The following UTRN variants were observed in gnomAD, a reference collection of about 807,000 sequenced individuals.
The protein encoded by UTRN is dystrophin-related protein 1.
Under a neutral mutation model 463.9 loss-of-function variants are expected in UTRN, and 283 were observed. That is an observed-to-expected ratio of 0.61 (90% CI 0.55 to 0.67). UTRN has a LOEUF of 0.67. UTRN is among the 30% of genes least tolerant of loss of function. UTRN has a pLI of 0.00. For synonymous variants in UTRN, 1,442 were observed against 1,431.5 expected (o/e 1.01, Z -0.17); for missense variants, 3,922 against 4,084.3 (o/e 0.96, Z 1.08).
At chr6:144,393,761 T>G (rs1201524455) in intron 2 of UTRN, among the ~76,000 whole-genome samples, 1 of 152,138 alleles carries the variant, frequency 6.6e-6, no homozygotes, top group Non-Finnish European at 1.5e-5. Flanking sequence ...GGGGAGAGTC[T>G]TTGCTCCAAT....
Position 144,511,136 on chromosome 6 carries a change from A to G in UTRN, c.4944+13A>G. 1.3e-6 allele frequency: 2 copies of G among 1,515,394 alleles called. No individual in the cohort carries two copies. Among genetic ancestry groups the G allele is most frequent in the South Asian group, 1.3e-5 (1 of 78,432 alleles). The allele number at this position is 1,515,394 out of a possible 1,614,324, so 93.9% of individuals were successfully genotyped here. On this transcript the variant is annotated intron_variant, in intron 35 of 74. Transcript: ENST00000367545. ...CAATACCTTGATGGTATGTCTCAGG[A>G]AAAAGTAAATGATGAAATCTTCTCC...
At chr6:144,287,214 G>T (rs1803772938) in intron 1 of UTRN, among the ~76,000 whole-genome samples, 1 of 152,184 alleles carries the variant, frequency 6.6e-6, no homozygotes, top group Non-Finnish European at 1.5e-5. Flanking sequence ...GACGGACAGG[G>T]TTGGCGTGGA....
At chr6:144,827,522 A>G in intron 67 of UTRN, 89 bp from the exon 68 acceptor site, 1 of 1,596,060 alleles carries the variant, frequency 6.3e-7, no homozygotes, top group Non-Finnish European at 8.6e-7. Flanking sequence ...TGCATGGCAG[A>G]TTCATTACTT....
chr6:144,638,400 T>G (rs1217130897), intron 51 of UTRN, among the ~76,000 whole-genome samples: 2 of 152,224 alleles, frequency 1.3e-5, no homozygotes, highest in Non-Finnish European at 2.9e-5. Context: ...TGTTTTGTTT[T>G]GAATGTGGTG....
chr6:144,609,949 A>G (rs531407517), intron 51 of UTRN, among the ~76,000 whole-genome samples: 1 of 152,286 alleles, frequency 6.6e-6, no homozygotes, highest in African/African-American at 2.4e-5. Flanking sequence ...GGGGAAATTT[A>G]TAGCAATAAA....
At chr6:144,507,981 C>T (rs1421687474) in intron 34 of UTRN, among the ~76,000 whole-genome samples, 1 of 152,196 alleles carries the variant, frequency 6.6e-6, no homozygotes, top group African/African-American at 2.4e-5. Flanking sequence ...AGTTGCTTTT[C>T]TGAGCTGTGG....
intron 3 of UTRN, among the ~76,000 whole-genome samples, chr6:144,408,274 T>C (rs1783594025): frequency 6.6e-6 from 1 of 152,354 alleles, no homozygotes; most frequent in South Asian, 2.1e-4. Flanking sequence ...CTTGAGTGTT[T>C]TGCCCCTTCT....
intron 53 of UTRN, among the ~76,000 whole-genome samples, chr6:144,724,616 G>T (rs1044681953): frequency 1.3e-5 from 2 of 151,386 alleles, no homozygotes; most frequent in Non-Finnish European, 2.9e-5. Context: ...CCAGCCTTAA[G>T]CAACGAGTAA....
At chr6:144,821,710 A>G (rs1779622025) in intron 66 of UTRN, among the ~76,000 whole-genome samples, 2 of 152,148 alleles carry the variant, frequency 1.3e-5, no homozygotes, top group African/African-American at 2.4e-5. Context: ...ATGTTTTTCA[A>G]TGACCCAGAA....
rs181064017 is a variant in UTRN, at chr6:144,393,064, C to A, written c.80-10059C>A. ...CCATCCATCCATTCATCCATCCATC[C>A]ATCCCTTTATCTTAGAAAGAGAATT... On this transcript the variant is annotated intron_variant, in intron 2 of 74. Coordinates refer to ENST00000367545, the MANE Select transcript of UTRN (RefSeq NM_007124.3). 4.4e-4 allele frequency among the ~76,000 whole-genome samples: 67 copies of A among 151,216 alleles called. 1 individual carries two copies. Among genetic ancestry groups the A allele is most frequent in the Non-Finnish European group, 1.3e-4 (9 of 67,946 alleles).
chr6:144,448,815 T>A, intron 17 of UTRN, 46 bp downstream of exon 17: 1 of 1,585,138 alleles, frequency 6.3e-7, no homozygotes, highest in Non-Finnish European at 8.6e-7. Flanking sequence ...TTGCACATAC[T>A]ATATTTTCTA....
At chr6:144,566,424 A>G (rs565062074) in intron 50 of UTRN, among the ~76,000 whole-genome samples, 1 of 152,296 alleles carries the variant, frequency 6.6e-6, no homozygotes, top group South Asian at 2.1e-4. Context: ...GCATTCATCT[A>G]CTCAATGAGG....
intron 53 of UTRN, among the ~76,000 whole-genome samples, chr6:144,727,035 A>C (rs936134220): frequency 6.6e-6 from 1 of 152,170 alleles, no homozygotes; most frequent in East Asian, 1.9e-4. Flanking sequence ...TTTGTGGACT[A>C]TTAATAGTCT....
At position 144,286,501 on chromosome 6, in the gene UTRN, G is replaced by A. The variant is rs1455006345; in HGVS notation, c.-93+680G>A. 6.6e-6 allele frequency among the ~76,000 whole-genome samples: 1 copy of A among 152,178 alleles called. No homozygotes were observed. On this transcript the variant is annotated intron_variant, in intron 1 of 74. Transcript: ENST00000367545. The surrounding 1 kb of genome is among the most constrained non-coding windows in gnomAD (Gnocchi z 4.4). ...GACAGGAGGAGGGGGGCGCCCCATTGGTGTGTAGTCCCGCGCAGTCGCCGG... is the reference window on the plus strand; with the variant it reads ...GACAGGAGGAGGGGGGCGCCCCATTAGTGTGTAGTCCCGCGCAGTCGCCGG...
At chr6:144,567,743 G>A (rs1042442246) in intron 50 of UTRN, among the ~76,000 whole-genome samples, 2 of 152,098 alleles carry the variant, frequency 1.3e-5, no homozygotes, top group African/African-American at 4.8e-5. Context: ...AGAGATAAAT[G>A]TATTTAAATA....
rs2128601780 is a variant in UTRN, at chr6:144,531,342, T to C, written c.6057+140T>C. On this transcript the variant is annotated intron_variant, in intron 42 of 74. Transcript: ENST00000367545. The stretch of plus-strand genomic sequence containing the variant: ...TTTGTAATTTTTGTTCCAATTCTTG[T>C]TACCAGTTATAAAAGTTTAAGAAAT... The C allele has an allele frequency of 4.4e-6, 4 of 918,066 alleles. 1 individual carries two copies. The Middle Eastern group carries it at 1.0e-3, about 236-fold the overall frequency. The allele number at this position is 918,066 out of a possible 1,614,324, so 56.9% of individuals were successfully genotyped here.
chr6:144,537,785 C>T (rs1395126551), intron 44 of UTRN, 68 bp downstream of exon 44: 15 of 1,527,248 alleles, frequency 9.8e-6, no homozygotes, highest in South Asian at 3.9e-5. Flanking sequence ...TCACATACTG[C>T]GTGTCTCAAG....
intron 50 of UTRN, among the ~76,000 whole-genome samples, chr6:144,564,912 GT>G (rs1458045378): frequency 6.6e-6 from 1 of 152,160 alleles, no homozygotes; most frequent in Non-Finnish European, 1.5e-5. Context: ...TATTGGAATT[GT>G]TAAGGAAGGG....
chr6:144,637,635 G>A (rs148388937), intron 51 of UTRN, among the ~76,000 whole-genome samples: 60 of 148,264 alleles, frequency 4.0e-4, no homozygotes, highest in Non-Finnish European at 4.0e-4. Context: ...TCACATACAC[G>A]TTGTTTAAAA....
Sources: allele counts gnomAD v4.1 joint callset (sites outside exome capture counted in the v4.1 genomes callset), GRCh38; gene constraint gnomAD v4.1.1; non-coding constraint Gnocchi (gnomAD v3.1); transcripts MANE v1.5; gene names NCBI Gene and HGNC (gene_info 2026-07-23, HGNC 2026-07-21).